Variants in KCNT1 observed in about 807,000 individuals in gnomAD.
KCNT1 encodes the protein potassium sodium-activated channel subfamily T member 1.
Under a neutral mutation model 147.8 loss-of-function variants are expected in KCNT1, and 78 were observed. The ratio of observed to expected loss-of-function variants is 0.53; its 90% CI spans 0.44 to 0.64. KCNT1 has a LOEUF of 0.64. Ranked by LOEUF, KCNT1 falls within the 30% of genes least tolerant of loss-of-function variation. KCNT1 has a pLI of 0.00. For missense variants in KCNT1, 1,419 were observed against 1,750.3 expected, an observed-to-expected ratio of 0.81 and a Z score of 3.38; for synonymous variants, 867 against 748.8, an observed-to-expected ratio of 1.16 and a Z score of -2.58.
At chr9:135,725,014 C>A (rs1478419699) in intron 2 of KCNT1, among the ~76,000 whole-genome samples, 1 of 152,252 alleles carries the variant, frequency 6.6e-6, no homozygotes, top group Non-Finnish European at 1.5e-5. Context: ...GGAAGCAGCG[C>A]TGGGGCCTGT....
intron 2 of KCNT1, among the ~76,000 whole-genome samples, chr9:135,736,195 T>TG (rs1293323477): frequency 6.6e-6 from 1 of 152,064 alleles, no homozygotes; most frequent in Non-Finnish European, 1.5e-5. Context: ...ACACCAGGGC[T>TG]GGGGGCTAGG....
chr9:135,723,199 A>G (rs1223377827), intron 2 of KCNT1, among the ~76,000 whole-genome samples: 2 of 152,336 alleles, frequency 1.3e-5, no homozygotes, highest in East Asian at 3.9e-4. Flanking sequence ...TGGGGGCTGC[A>G]GAGCTCGCCT....
intron 2 of KCNT1, among the ~76,000 whole-genome samples, chr9:135,739,949 C>T (rs1015675889): frequency 8.5e-5 from 13 of 152,102 alleles, no homozygotes; most frequent in Admixed American, 2.0e-4. Flanking sequence ...TATTGTCTCA[C>T]AGTCCTGGAG....
At chr9:135,741,462 A>G (rs994156813) in intron 2 of KCNT1, among the ~76,000 whole-genome samples, 1 of 152,244 alleles carries the variant, frequency 6.6e-6, no homozygotes, top group Non-Finnish European at 1.5e-5. Flanking sequence ...ACCAGGGTCC[A>G]GCGAGAGGGA....
Position 135,753,957 on chromosome 9 carries a change from A to G in KCNT1, c.455A>G (p.Asn152Ser). The change falls in exon 5 of 31, where the codon AAC (asparagine) becomes AGC (serine). Residue 152 changes from asparagine to serine, a missense_variant. By Grantham distance (46) the Asn-to-Ser change is conservative (BLOSUM62 1). Coordinates refer to ENST00000371757, the MANE Select transcript of KCNT1 (RefSeq NM_020822.3). Reference sequence around the variant, plus strand: ...CACAGCTGGGGCTGCCCAAAGCAGAACTACTCCTTCAATGACTCGTCCTCC... The same window carrying G: ...CACAGCTGGGGCTGCCCAAAGCAGAGCTACTCCTTCAATGACTCGTCCTCC... Reference protein sequence around the residue: ...GIGCWGCPKQNYSFNDSSSEI... With the variant: ...GIGCWGCPKQSYSFNDSSSEI... 6 of 1,614,126 alleles carry G rather than the reference A, an allele frequency of 3.7e-6. No individual in the cohort carries two copies. The highest frequency in any genetic ancestry group is 5.1e-6 in the Non-Finnish European group (6 of 1,179,988).
rs753874335 is a variant in KCNT1 at position 135,770,013 on chromosome 9, C to G, written c.1577C>G (p.Thr526Ser). 4.5e-6 allele frequency: 7 copies of G among 1,555,938 alleles called. No individual in the cohort carries two copies. Among genetic ancestry groups the G allele is most frequent in the Non-Finnish European group, 6.1e-6 (7 of 1,150,066 alleles). ...MLALNCICPA[T>S]STLITLLVHT... is the part of the protein sequence containing the mutation. ...GCGCTGAACTGCATCTGCCCGGCGA[C>G]CTCCACCCTCATCACCCTGCTGGTG... is the stretch of plus-strand genomic sequence containing the variant. The change falls in exon 16 of 31, where the codon ACC (threonine) becomes AGC (serine). Residue 526 changes from threonine (T) to serine (S), a missense_variant. Thr to Ser is a moderately conservative substitution (Grantham distance 58). Transcript: ENST00000371757.
chr9:135,766,279 T>A (rs1426657054), intron 13 of KCNT1, among the ~76,000 whole-genome samples: 1 of 119,694 alleles, frequency 8.4e-6, no homozygotes, highest in Non-Finnish European at 1.9e-5. Flanking sequence ...GTGGACCATC[T>A]AGGGTAGACT....
At position 135,750,122 on chromosome 9, in the gene KCNT1, C is replaced by T. The variant is rs183022730; in HGVS notation, c.279C>T (p.Asn93=). The T allele has an allele frequency of 5.1e-5, 82 of 1,613,808 alleles. No individual in the cohort carries two copies. In the Admixed American group the frequency reaches 6.2e-4, roughly 12 times the overall value. Residue 93 remains asparagine, a synonymous_variant, in exon 3 of 31, where the codon AAC becomes AAT. Coordinates refer to ENST00000371757, the MANE Select transcript of KCNT1 (RefSeq NM_020822.3). ...GGGTCCAGGTGGAGTTCTACGTCAACGAGAACACCTTCAAGGAGCGGCTCA... is the reference window on the plus strand; with the variant it reads ...GGGTCCAGGTGGAGTTCTACGTCAATGAGAACACCTTCAAGGAGCGGCTCA... ...DDRVQVEFYV[N]ENTFKERLKL...
At chr9:135,774,519 CTG>C (rs1183287260) in intron 19 of KCNT1, among the ~76,000 whole-genome samples, 4 of 137,490 alleles carry the variant, frequency 2.9e-5, no homozygotes, top group East Asian at 2.2e-4. Flanking sequence ...TGTTGTGTGT[CTG>C]TGTGTGCTGT....
Position 135,772,789 on chromosome 9 carries a change from C to T in KCNT1, c.2083C>T (p.Leu695=), listed in dbSNP as rs1832846912. 1 of 1,499,672 alleles carries T rather than the reference C, an allele frequency of 6.7e-7. No homozygotes were observed. Among genetic ancestry groups the T allele is most frequent in the Non-Finnish European group, 8.9e-7 (1 of 1,122,074 alleles). The allele number at this position is 1,499,672 out of a possible 1,614,324, so 92.9% of individuals were successfully genotyped here. ...QSGGGGGGSK[L]ALPTENGSGS... ...CGGCGGTGGGGGCGGGGGCAGCAAG[C>T]TGGCACTGCCCACGGAGAACGGCTC... The change falls in exon 19 of 31, where the codon CTG becomes TTG. Residue 695 remains leucine (L), a synonymous_variant. Coordinates refer to ENST00000371757, the MANE Select transcript of KCNT1 (RefSeq NM_020822.3).
chr9:135,740,553 C>T (rs1363017004), intron 2 of KCNT1, among the ~76,000 whole-genome samples: 2 of 152,244 alleles, frequency 1.3e-5, no homozygotes, highest in African/African-American at 2.4e-5. Flanking sequence ...TGGGCTCCTT[C>T]CCGACCCCAG....
At chr9:135,714,000 G>A (rs1459663217) in intron 1 of KCNT1, among the ~76,000 whole-genome samples, 1 of 152,136 alleles carries the variant, frequency 6.6e-6, no homozygotes, top group Non-Finnish European at 1.5e-5. Context: ...CCTGAGCTGA[G>A]CTGCTCCGCC....
intron 1 of KCNT1, among the ~76,000 whole-genome samples, chr9:135,703,402 G>A (rs1219715657): frequency 2.6e-5 from 4 of 152,206 alleles, no homozygotes; most frequent in African/African-American, 7.2e-5. Flanking sequence ...AGGGCGGATG[G>A]TCTTTAAGGG....
At chr9:135,785,470 A>C (rs1201315310) in intron 28 of KCNT1, 140 bp downstream of exon 28, 1 of 1,042,056 alleles carries the variant, frequency 9.6e-7, no homozygotes, top group Admixed American at 2.3e-5. Flanking sequence ...GGTCCCACGG[A>C]TGTGTCGGCC....
chr9:135,743,754 A>C (rs1588296594), intron 2 of KCNT1, among the ~76,000 whole-genome samples: 1 of 152,146 alleles, frequency 6.6e-6, no homozygotes. Flanking sequence ...ATGTTCCTGG[A>C]CCTTTGGAGG....
chr9:135,785,513 A>C (rs1244129952), intron 28 of KCNT1, 183 bp downstream of exon 28: 3 of 752,182 alleles, frequency 4.0e-6, no homozygotes, highest in African/African-American at 1.8e-5. Flanking sequence ...GTTGACACTC[A>C]CTCCCTCCTG....
intron 15 of KCNT1, among the ~76,000 whole-genome samples, chr9:135,769,635 G>A (rs568596575): frequency 6.6e-6 from 1 of 152,178 alleles, no homozygotes; most frequent in African/African-American, 2.4e-5. Flanking sequence ...CCCATGCCAG[G>A]TGCCCAGGGG....
At chr9:135,765,593 CAG>C (rs753251078) in intron 12 of KCNT1, 29 bp from the exon 13 acceptor site, 1 of 1,592,010 alleles carries the variant, frequency 6.3e-7, no homozygotes, top group South Asian at 1.1e-5. Flanking sequence ...GGGGCTGGCT[CAG>C]AGGGTCTGAC....
intron 11 of KCNT1, among the ~76,000 whole-genome samples, chr9:135,763,554 G>T (rs1443864712): frequency 6.6e-6 from 1 of 152,132 alleles, no homozygotes; most frequent in Non-Finnish European, 1.5e-5. Flanking sequence ...AGGCCGCTTT[G>T]GGGGAGATTG....
Sources: allele counts gnomAD v4.1 joint callset (sites outside exome capture counted in the v4.1 genomes callset), GRCh38; gene constraint gnomAD v4.1.1; transcripts MANE v1.5; gene names NCBI Gene and HGNC (gene_info 2026-07-23, HGNC 2026-07-21).